The following STAT5A variants were observed in gnomAD, a reference collection of about 807,000 sequenced individuals.
The protein encoded by STAT5A is signal transducer and activator of transcription 5A.
Under a neutral mutation model 100.2 loss-of-function variants are expected in STAT5A, and 26 were observed. That is an observed-to-expected ratio of 0.26 (90% confidence interval 0.19 to 0.36). The LOEUF (loss-of-function observed/expected upper bound fraction) is 0.36. Ranked by LOEUF, STAT5A falls within the 10% of genes least tolerant of loss-of-function variation. STAT5A has a pLI of 1.00. For missense variants in STAT5A, 634 were observed against 1,027.5 expected, an observed-to-expected ratio of 0.62 and a Z score of 5.24; for synonymous variants, 330 against 424.3, an observed-to-expected ratio of 0.78 and a Z score of 2.73.
In STAT5A at chr17:42,306,297, G is replaced by A. The variant is rs762872967; in HGVS notation, c.1530G>A (p.Ala510=). The change falls in exon 13 of 19, where the codon GCG becomes GCA. Residue 510 remains alanine, a synonymous_variant. Transcript: ENST00000590949. ...DKVLWPQLCE[A]LNMKFKAEVQ... The stretch of plus-strand genomic sequence containing the variant: ...TGCTGTGGCCGCAGCTGTGTGAGGC[G>A]CTCAACATGAAATTCAAGGCCGAAG... The A allele has an allele frequency of 3.6e-5, 58 of 1,613,894 alleles. No individual in the cohort carries two copies. The highest frequency in any genetic ancestry group is 1.1e-4 in the East Asian group (5 of 44,890).
intron 9 of STAT5A, 72 bp downstream of exon 9, chr17:42,301,526 A>T: frequency 6.3e-7 from 1 of 1,581,466 alleles, no homozygotes; most frequent in Non-Finnish European, 8.6e-7. Context: ...TTGTCCTTGC[A>T]TCCAGCTATG....
rs940154056 is a variant in STAT5A at position 42,308,070 on chromosome 17, G to A, written c.1907-108G>A. The A allele has an allele frequency of 6.8e-7, 1 of 1,459,986 alleles. No homozygotes were observed. The highest frequency in any genetic ancestry group is 9.3e-7 in the Non-Finnish European group (1 of 1,076,002). The allele number at this position is 1,459,986 out of a possible 1,614,324, so 90.4% of individuals were successfully genotyped here. Reference sequence around the variant, plus strand: ...CCTACAGGCTGGGGCTGCAGCGCAAGCTACTATATAAAAGCCCAGATTTCT... The same window carrying A: ...CCTACAGGCTGGGGCTGCAGCGCAAACTACTATATAAAAGCCCAGATTTCT... On this transcript the variant is annotated intron_variant, in intron 15 of 18. Transcript: ENST00000590949. The surrounding 1 kb of genome is among the most constrained non-coding windows in gnomAD (Gnocchi z 4.6).
At position 42,292,079 on chromosome 17, in the gene STAT5A, A is replaced by G. The variant is rs1330407450; in HGVS notation, c.375+18A>G. ...CCAACAATGTGAGTGTCCCTTGGGG[A>G]TGGGGAGGAGTGTTGAGAAGTCCCT... is the stretch of plus-strand genomic sequence containing the variant. On this transcript the variant is annotated intron_variant, in intron 4 of 18. Transcript: ENST00000590949. 7.4e-6 allele frequency: 12 copies of G among 1,613,000 alleles called. No individual in the cohort carries two copies. The highest frequency in any genetic ancestry group is 9.3e-6 in the Non-Finnish European group (11 of 1,179,368).
At chr17:42,301,552 C>T in intron 9 of STAT5A, 98 bp downstream of exon 9, 1 of 1,516,986 alleles carries the variant, frequency 6.6e-7, no homozygotes, top group Non-Finnish European at 8.9e-7. Flanking sequence ...TCCCCTAGTT[C>T]ACCGTGTTGC....
chr17:42,296,647 T>A (rs1232522874), intron 5 of STAT5A, among the ~76,000 whole-genome samples: 3 of 152,222 alleles, frequency 2.0e-5, no homozygotes, highest in Non-Finnish European at 4.4e-5. Context: ...TCTTTTTCTT[T>A]TCTTTTTTTT....
chr17:42,298,221 T>C (rs1169228309), intron 5 of STAT5A, among the ~76,000 whole-genome samples: 2 of 152,098 alleles, frequency 1.3e-5, no homozygotes, highest in Non-Finnish European at 2.9e-5. Flanking sequence ...TGGAGTGCAG[T>C]GGTGCTCTCG....
rs561070174 is a variant in STAT5A, at chr17:42,300,423, A to G, written c.833+142A>G. 9.7e-6 allele frequency: 13 copies of G among 1,342,576 alleles called. No individual in the cohort carries two copies. The East Asian group carries it at 1.0e-4, about 10-fold the overall frequency. 83.2% of individuals were successfully genotyped at this position (1,342,576 alleles called of 1,614,324 possible). Reference sequence around the variant, plus strand: ...TTTCTCCAGGGAGCCTGGTTCCTCAATCAGACTTTGGTCCCCATCCTGTGC... The same window carrying G: ...TTTCTCCAGGGAGCCTGGTTCCTCAGTCAGACTTTGGTCCCCATCCTGTGC... On this transcript the variant is annotated intron_variant, in intron 7 of 18. Transcript: ENST00000590949.
chr17:42,309,559 G>A (rs2081060986), intron 18 of STAT5A, 75 bp downstream of exon 18: 1 of 1,479,452 alleles, frequency 6.8e-7, no homozygotes, highest in Non-Finnish European at 9.3e-7. Context: ...TGGAGGGCTG[G>A]CGGGCAAAGG....
chr17:42,296,377 A>G (rs1215738683), intron 5 of STAT5A, among the ~76,000 whole-genome samples: 1 of 152,176 alleles, frequency 6.6e-6, no homozygotes, highest in Non-Finnish European at 1.5e-5. Flanking sequence ...TAGTTCGCCA[A>G]TGGCTCCCAT....
At chr17:42,301,715 A>T (rs888597103) in intron 9 of STAT5A, among the ~76,000 whole-genome samples, 2 of 152,212 alleles carry the variant, frequency 1.3e-5, no homozygotes, top group African/African-American at 4.8e-5. Context: ...GCTCACTGCC[A>T]CTGCCCAGCA....
intron 4 of STAT5A, 90 bp downstream of exon 4, chr17:42,292,151 A>C: frequency 6.8e-7 from 1 of 1,465,220 alleles, no homozygotes. Context: ...ATAAAACAGC[A>C]GCACGAGGAG....
rs1304308048 is a variant in STAT5A, at chr17:42,291,962, A to G, written c.286-10A>G. 2 of 1,613,344 alleles carry G rather than the reference A, an allele frequency of 1.2e-6. No homozygotes were observed. Among genetic ancestry groups the G allele is most frequent in the South Asian group, 1.1e-5 (1 of 91,070 alleles). ...GGATGGCGCTGGAGGCTACTGTTGG[A>G]TTCTTTCAGAAAACATATGACCGCT... is the stretch of plus-strand genomic sequence containing the variant. On this transcript the variant is annotated splice_polypyrimidine_tract_variant and intron_variant, in intron 3 of 18. Transcript: ENST00000590949.
At chr17:42,307,341 T>C (rs928688153) in intron 13 of STAT5A, 61 bp from the exon 14 acceptor site, 18 of 1,568,510 alleles carry the variant, frequency 1.1e-5, no homozygotes, top group Admixed American at 3.6e-5. Context: ...GGGCCCTGAC[T>C]TTCCTGGGCC....
rs2080848504 is a variant in STAT5A at position 42,289,498 on chromosome 17, G to A, written c.87G>A (p.Glu29=). 6.2e-7 allele frequency: 1 copy of A among 1,613,206 alleles called. No individual in the cohort carries two copies. Among genetic ancestry groups the A allele is most frequent in the African/African-American group, 1.3e-5 (1 of 74,934 alleles). ...QVLYGQHFPI[E]VRHYLAQWIE... is the part of the protein sequence containing the mutation. ...TGTACGGCCAGCACTTCCCCATCGA[G>A]GTCCGGCACTACTTGGCCCAGTGGA... The change falls in exon 2 of 19, where the codon GAG becomes GAA. Residue 29 remains glutamate (E), a synonymous_variant. Coordinates refer to ENST00000590949, the MANE Select transcript of STAT5A (RefSeq NM_001288718.2).
Position 42,299,736 on chromosome 17 carries a change from T to G in STAT5A, c.551-15T>G. On this transcript the variant is annotated splice_polypyrimidine_tract_variant and intron_variant, in intron 5 of 18. Transcript: ENST00000590949. ...CTAGGAGGTGATGGTCATGGTTTCCTCTTCTCTCCTCTAGCTCAGTTTGCC... is the reference window on the plus strand; with the variant it reads ...CTAGGAGGTGATGGTCATGGTTTCCGCTTCTCTCCTCTAGCTCAGTTTGCC... 1 of 1,614,164 alleles carries G rather than the reference T, an allele frequency of 6.2e-7. No homozygotes were observed.
In STAT5A at chr17:42,310,728, TGA is replaced by T; in HGVS notation, c.*61_*62del. On this transcript the variant is annotated 3_prime_UTR_variant, in exon 19 of 19. Coordinates refer to ENST00000590949, the MANE Select transcript of STAT5A (RefSeq NM_001288718.2). ...TATGCAATGTGAAGCGGTCGTGTTG[TGA>T]GTTTAGTAAGGCTGTGTACACTGAC... 6.2e-7 allele frequency: 1 copy of T among 1,608,340 alleles called. No homozygotes were observed. The highest frequency in any genetic ancestry group is 1.1e-5 in the South Asian group (1 of 90,558).
chr17:42,299,920 A>G (rs1367089273), intron 6 of STAT5A, 39 bp downstream of exon 6: 11 of 1,584,908 alleles, frequency 6.9e-6, no homozygotes, highest in Non-Finnish European at 9.4e-6. Context: ...CGTGGGTGCC[A>G]TGAAGTCAGT....
chr17:42,300,088 C>G (rs1313052356), intron 6 of STAT5A, 42 bp from the exon 7 acceptor site: 20 of 1,245,182 alleles, frequency 1.6e-5, no homozygotes, highest in Non-Finnish European at 2.2e-5. Context: ...CTGCGGTGTT[C>G]TCTGGGAGCC....
chr17:42,310,055 A>G (rs1157470787), intron 18 of STAT5A, among the ~76,000 whole-genome samples: 1 of 152,206 alleles, frequency 6.6e-6, no homozygotes, highest in Non-Finnish European at 1.5e-5. Flanking sequence ...TTTCTCGTCT[A>G]TAAAACGGGG....
Sources: gnomAD v4.1 joint callset for allele counts (sites outside exome capture counted in the v4.1 genomes callset) on GRCh38, gnomAD v4.1.1 for gene constraint, Gnocchi (gnomAD v3.1) non-coding constraint, MANE v1.5 for transcripts, NCBI Gene and HGNC (gene_info 2026-07-23, HGNC 2026-07-21) for gene names.